The following CSMD1 variants were observed in gnomAD, a reference collection of about 807,000 sequenced individuals.
CSMD1 encodes CUB and sushi domain-containing protein 1.
In CSMD1, 213 loss-of-function variants were observed where a neutral mutation model predicts 417.5. That is an observed-to-expected ratio of 0.51 (90% CI 0.46 to 0.57). CSMD1 has a LOEUF of 0.57. Ranked by LOEUF, CSMD1 falls within the 20% of genes least tolerant of loss-of-function variation. The pLI, the probability that CSMD1 is intolerant of heterozygous loss-of-function variation, is 0.00. For synonymous variants in CSMD1, 2,862 were observed against 1,736.8 expected, an observed-to-expected ratio of 1.65 and a Z score of -16.11; for missense variants, 6,923 against 4,529.7, an observed-to-expected ratio of 1.53 and a Z score of -15.17.
chr8:4,404,264 T>C (rs7845980), intron 3 of CSMD1, among the ~76,000 whole-genome samples: 1 of 151,978 alleles, frequency 6.6e-6, no homozygotes, highest in African/African-American at 2.4e-5. Context: ...TATATATTTA[T>C]GTCATCTATC....
chr8:3,391,001 C>G (rs962683337), intron 17 of CSMD1, among the ~76,000 whole-genome samples: 1 of 152,128 alleles, frequency 6.6e-6, no homozygotes, highest in Non-Finnish European at 1.5e-5. Flanking sequence ...ATATTGAAAC[C>G]TGAGCCTTTG....
chr8:4,924,699 G>C (rs1224009941), intron 1 of CSMD1, among the ~76,000 whole-genome samples: 1 of 74,828 alleles, frequency 1.3e-5, no homozygotes, highest in Non-Finnish European at 2.4e-5. Flanking sequence ...TCTAGCCTGG[G>C]AGACAAGAAT....
intron 5 of CSMD1, among the ~76,000 whole-genome samples, chr8:3,891,464 G>A (rs966005978): frequency 6.6e-6 from 1 of 152,084 alleles, no homozygotes; most frequent in Non-Finnish European, 1.5e-5. Context: ...AGAATTTCCT[G>A]TATACAGGAG....
intron 1 of CSMD1, among the ~76,000 whole-genome samples, chr8:4,733,655 C>G (rs13257013): frequency 4.6e-5 from 7 of 152,062 alleles, no homozygotes; most frequent in Admixed American, 2.6e-4. Flanking sequence ...TTTAACACAT[C>G]TGAACAGGTA....
chr8:3,837,039 G>C (rs1446171426), intron 5 of CSMD1, among the ~76,000 whole-genome samples: 2 of 151,592 alleles, frequency 1.3e-5, no homozygotes, highest in Admixed American at 6.6e-5. Flanking sequence ...GCCAGGCTGG[G>C]TCAATTGATG....
intron 3 of CSMD1, among the ~76,000 whole-genome samples, chr8:4,186,708 G>A (rs1700088): frequency 0.043 from 6,464 of 151,642 alleles, 233 homozygotes; most frequent in Non-Finnish European, 0.058. Context: ...TTTTTTCAGC[G>A]GCGTACGGTC....
chr8:3,015,186 A>G (rs1016459197), intron 52 of CSMD1, among the ~76,000 whole-genome samples: 4 of 151,522 alleles, frequency 2.6e-5, no homozygotes, highest in Non-Finnish European at 5.9e-5. Context: ...TAACTGAGGC[A>G]GCTCTCTTGG....
chr8:3,978,172 C>G (rs1006014956), intron 5 of CSMD1, among the ~76,000 whole-genome samples: 1 of 152,184 alleles, frequency 6.6e-6, no homozygotes, highest in Admixed American at 6.5e-5. Context: ...AGGAAACAGC[C>G]TGTCTGCAGG....
At chr8:4,896,124 T>G (rs1189209177) in intron 1 of CSMD1, among the ~76,000 whole-genome samples, 1 of 152,160 alleles carries the variant, frequency 6.6e-6, no homozygotes, top group Non-Finnish European at 1.5e-5. Context: ...TCAATGCTAC[T>G]TTTAGTAGCA....
chr8:4,302,572 AAC>A (rs1798036181), intron 3 of CSMD1, among the ~76,000 whole-genome samples: 1 of 151,894 alleles, frequency 6.6e-6, no homozygotes, highest in African/African-American at 2.4e-5. Flanking sequence ...CCTCTCTCTC[AAC>A]CCTATACGAT....
At chr8:4,645,143 G>C (rs1329273962) in intron 1 of CSMD1, among the ~76,000 whole-genome samples, 3 of 152,126 alleles carry the variant, frequency 2.0e-5, no homozygotes, top group Non-Finnish European at 2.9e-5. Context: ...TGCTTTATGG[G>C]AAGCTAATTT....
At chr8:4,207,753 G>A (rs556874065) in intron 3 of CSMD1, among the ~76,000 whole-genome samples, 3 of 151,926 alleles carry the variant, frequency 2.0e-5, no homozygotes, top group Admixed American at 6.6e-5. Flanking sequence ...GTAACATTTC[G>A]ATAATCTACT....
intron 1 of CSMD1, among the ~76,000 whole-genome samples, chr8:4,793,785 T>C (rs538640236): frequency 1.3e-4 from 19 of 147,318 alleles, no homozygotes; most frequent in Non-Finnish European, 2.7e-4. Flanking sequence ...AATCTTTCTA[T>C]GACAAATCAT....
intron 2 of CSMD1, among the ~76,000 whole-genome samples, chr8:4,529,927 C>T (rs60805706): frequency 0.63 from 94,437 of 149,754 alleles, 30,344 homozygotes; most frequent in African/African-American, 0.76. Context: ...TTTTGTTTGT[C>T]TGTTTGAGAC....
intron 21 of CSMD1, among the ~76,000 whole-genome samples, chr8:3,351,247 G>C (rs1327370946): frequency 6.6e-6 from 1 of 152,178 alleles, no homozygotes; most frequent in Non-Finnish European, 1.5e-5. Flanking sequence ...CTCTAGGGTA[G>C]TGTGGCACAG....
chr8:4,743,550 G>C (rs115124797), intron 1 of CSMD1, among the ~76,000 whole-genome samples: 1 of 152,092 alleles, frequency 6.6e-6, no homozygotes, highest in East Asian at 1.9e-4. Flanking sequence ...AGAGTCAACC[G>C]TCATTAACCA....
At chr8:3,871,655 C>G (rs887229042) in intron 5 of CSMD1, among the ~76,000 whole-genome samples, 1 of 152,240 alleles carries the variant, frequency 6.6e-6, no homozygotes, top group East Asian at 1.9e-4. Context: ...TTAGTCTCAA[C>G]CTTTAATCTT....
intron 1 of CSMD1, among the ~76,000 whole-genome samples, chr8:4,717,142 A>C (rs1241201241): frequency 2.6e-5 from 4 of 151,816 alleles, no homozygotes; most frequent in African/African-American, 9.7e-5. Context: ...CATTAGGAAA[A>C]AAAACTAGGG....
intron 1 of CSMD1, among the ~76,000 whole-genome samples, chr8:4,879,349 G>A (rs1471913831): frequency 6.6e-6 from 1 of 152,064 alleles, no homozygotes; most frequent in Admixed American, 6.6e-5. Context: ...AGGAAAGTGA[G>A]ATGGGAGAAA....
Sources: allele counts gnomAD v4.1 joint callset (sites outside exome capture counted in the v4.1 genomes callset), GRCh38; gene constraint gnomAD v4.1.1; transcripts MANE v1.5; gene names NCBI Gene and HGNC (gene_info 2026-07-23, HGNC 2026-07-21).